The following PFKFB1 variants were observed in gnomAD, a reference collection of about 807,000 sequenced individuals.
The protein encoded by PFKFB1 is 6-phosphofructo-2-kinase/fructose-2,6-bisphosphatase 1.
In PFKFB1, 34 loss-of-function variants were observed where a neutral mutation model predicts 46.4. That is an observed-to-expected ratio of 0.73 (90% CI 0.56 to 0.98). PFKFB1 has a LOEUF of 0.98. Ranked by LOEUF, PFKFB1 falls within the 50% of genes least tolerant of loss-of-function variation. The pLI is 0.00. For missense variants in PFKFB1, 393 were observed against 376.3 expected, an observed-to-expected ratio of 1.04 and a Z score of -0.37; for synonymous variants, 119 against 133.8, an observed-to-expected ratio of 0.89 and a Z score of 0.76.
At chrX:54,997,022 AGATCTCAGT>A (rs1452087965), upstream of PFKFB1, among the ~76,000 whole-genome samples, 1 of 111,805 alleles carries the variant, frequency 8.9e-6, no homozygotes, top group African/African-American at 3.3e-5. Flanking sequence ...TATGGAGACT[AGATCTCAGT>A]GATCTGTAAT....
upstream of PFKFB1, chrX:54,998,578 T>C: frequency 2.1e-6 from 1 of 478,342 alleles, no homozygotes; most frequent in Non-Finnish European, 3.6e-6. Context: ...GGGATGTATG[T>C]GCTCTGTTGA....
At chrX:54,948,496 A>G (rs956341082) in intron 9 of PFKFB1, among the ~76,000 whole-genome samples, 1 of 111,797 alleles carries the variant, frequency 8.9e-6, no homozygotes, top group Non-Finnish European at 1.9e-5. Context: ...ATCCCTCAAC[A>G]TGAACTATAA....
intron 1 of PFKFB1, among the ~76,000 whole-genome samples, chrX:54,989,891 T>C (rs935373523): frequency 9.0e-6 from 1 of 111,328 alleles, no homozygotes; most frequent in African/African-American, 3.3e-5. Flanking sequence ...GGGAAAGGAA[T>C]TGAGGTGGCC....
chrX:54,981,756 T>C (rs1934998215), intron 1 of PFKFB1, among the ~76,000 whole-genome samples: 1 of 111,784 alleles, frequency 8.9e-6, no homozygotes, highest in Admixed American at 9.5e-5. Flanking sequence ...GAACTTCTAG[T>C]TTCAGTTCCA....
upstream of PFKFB1, among the ~76,000 whole-genome samples, chrX:54,996,665 C>T (rs1164426384): frequency 8.9e-6 from 1 of 112,137 alleles, no homozygotes; most frequent in African/African-American, 3.2e-5. Flanking sequence ...CAGCTTGGCA[C>T]TCAAGACTTT....
intron 1 of PFKFB1, among the ~76,000 whole-genome samples, chrX:54,968,326 TG>T (rs1483358371): frequency 2.4e-5 from 1 of 40,877 alleles, no homozygotes; most frequent in South Asian, 2.7e-3. Context: ...TGTTGTGGGG[TG>T]GGGGGAGGGG....
chrX:54,963,045 C>G (rs1934363660), intron 2 of PFKFB1, among the ~76,000 whole-genome samples: 1 of 112,270 alleles, frequency 8.9e-6, no homozygotes, highest in Non-Finnish European at 1.9e-5. Flanking sequence ...TTTTCCTATG[C>G]TTAGCACCTA....
intron 10 of PFKFB1, among the ~76,000 whole-genome samples, chrX:54,939,394 G>C (rs1158124396): frequency 8.9e-6 from 1 of 111,777 alleles, no homozygotes; most frequent in Non-Finnish European, 1.9e-5. Context: ...ACTAAGATCA[G>C]AGCAGAACTG....
intron 1 of PFKFB1, among the ~76,000 whole-genome samples, chrX:54,972,527 A>G (rs1261516215): frequency 2.7e-5 from 3 of 111,462 alleles, no homozygotes; most frequent in Non-Finnish European, 5.7e-5. Context: ...TACCTAATTT[A>G]TTGAGAGTTT....
At chrX:54,950,520 C>T (rs761935977) in intron 8 of PFKFB1, among the ~76,000 whole-genome samples, 148 of 111,914 alleles carry the variant, frequency 1.3e-3, no homozygotes, top group African/African-American at 4.5e-3. Context: ...CTGTGAGAAG[C>T]GTCAAGGTGG....
chrX:54,940,661 A>G (rs1218541913), intron 10 of PFKFB1, among the ~76,000 whole-genome samples: 1 of 111,636 alleles, frequency 9.0e-6, no homozygotes, highest in African/African-American at 3.3e-5. Flanking sequence ...AGAGAATAAA[A>G]TACCAAGGAA....
intron 1 of PFKFB1, among the ~76,000 whole-genome samples, chrX:54,970,115 GC>G (rs1934604628): frequency 9.1e-6 from 1 of 110,366 alleles, no homozygotes; most frequent in African/African-American, 3.3e-5. Context: ...CACCATGTTG[GC>G]CAGGCTGGTC....
At chrX:54,989,025 T>A (rs1935175781) in intron 1 of PFKFB1, among the ~76,000 whole-genome samples, 1 of 111,627 alleles carries the variant, frequency 9.0e-6, no homozygotes, top group Admixed American at 9.5e-5. Context: ...ATGTCCAGAA[T>A]AGGCAAATTC....
At chrX:54,944,703 T>C (rs1479655649) in intron 10 of PFKFB1, among the ~76,000 whole-genome samples, 1 of 112,111 alleles carries the variant, frequency 8.9e-6, no homozygotes, top group African/African-American at 3.2e-5. Context: ...TTTAATTTTG[T>C]ATACCTCTAA....
At chrX:54,997,906 G>A (rs912389594), upstream of PFKFB1, among the ~76,000 whole-genome samples, 1 of 112,233 alleles carries the variant, frequency 8.9e-6, no homozygotes, top group Non-Finnish European at 1.9e-5. Flanking sequence ...CTCTTAGAGC[G>A]AGGAAGTCCT....
chrX:54,973,016 G>A (rs1172145269), intron 1 of PFKFB1, among the ~76,000 whole-genome samples: 1 of 111,413 alleles, frequency 9.0e-6, no homozygotes, highest in Non-Finnish European at 1.9e-5. Context: ...CAATTTCAGA[G>A]CCTGTTATTG....
At chrX:54,981,251 A>T (rs1295102939) in intron 1 of PFKFB1, among the ~76,000 whole-genome samples, 1 of 111,122 alleles carries the variant, frequency 9.0e-6, no homozygotes, top group Non-Finnish European at 1.9e-5. Context: ...CAAAACAAAC[A>T]AACAAAAAAA....
chrX:54,965,995 G>C lies in PFKFB1; in HGVS notation c.98-2613C>G, dbSNP rs189476031. Among the ~76,000 whole-genome samples the C allele has an allele frequency of 3.0e-3, 329 of 110,983 alleles. 3 individuals carry two copies. Among genetic ancestry groups the C allele is most frequent in the African/African-American group, 0.01 (316 of 30,657 alleles). On this transcript the variant is annotated intron_variant, in intron 1 of 13. Transcript: ENST00000375006. ...AAATAATGAAAGGCAGAAAAAAAGA[G>C]GGAAAAAGGAAACGAAAGCCAAATA...
chrX:54,960,015 A>G (rs761843870), intron 3 of PFKFB1, 122 bp from the exon 4 acceptor site: 1 of 540,015 alleles, frequency 1.9e-6, no homozygotes, highest in Non-Finnish European at 3.2e-6. Flanking sequence ...CATGTATTGA[A>G]CATCTACACA....
Sources: allele counts gnomAD v4.1 joint callset (sites outside exome capture counted in the v4.1 genomes callset), GRCh38; gene constraint gnomAD v4.1.1; transcripts MANE v1.5; gene names NCBI Gene and HGNC (gene_info 2026-07-23, HGNC 2026-07-21).